The following TCF20 variants were observed in gnomAD, a reference collection of about 807,000 sequenced individuals.
TCF20 encodes transcription factor 20.
In TCF20, 3 loss-of-function variants were observed where a neutral mutation model predicts 148.6. The ratio of observed to expected loss-of-function variants is 0.02; its 90% CI spans 0.01 to 0.05. The LOEUF (loss-of-function observed/expected upper bound fraction) is 0.05, where lower values mean the gene tolerates loss of function less well. Among genes scored for constraint, TCF20 ranks in the 10% least tolerant of loss-of-function variants. The pLI is 1.00. For missense variants in TCF20, 2,350 were observed against 2,429.3 expected, an observed-to-expected ratio of 0.97 and a Z score of 0.69; for synonymous variants, 1,049 against 909.5, an observed-to-expected ratio of 1.15 and a Z score of -2.76.
At chr22:42,194,908 C>T (rs1937515974) in intron 2 of TCF20, among the ~76,000 whole-genome samples, 1 of 151,820 alleles carries the variant, frequency 6.6e-6, no homozygotes, top group African/African-American at 2.4e-5. Context: ...CACACTTACA[C>T]AGACCTCACA....
At chr22:42,261,116 T>C (rs1236310610) in intron 1 of TCF20, among the ~76,000 whole-genome samples, 1 of 152,198 alleles carries the variant, frequency 6.6e-6, no homozygotes, top group African/African-American at 2.4e-5. Context: ...CCATTACATA[T>C]GATTTTTGGT....
In TCF20 at chr22:42,338,125, C is replaced by T. The variant is rs964496792; in HGVS notation, c.-37+5354G>A. On this transcript the variant is annotated intron_variant, in intron 1 of 1. Transcript: ENST00000515426. The surrounding 1 kb of genome is among the most constrained non-coding windows in gnomAD (Gnocchi z 4.0). ...CTCTGGGCCCAGGTCCTACTCTGTA[C>T]ACAACTCCCGCCTCGGTCTCCACGC... Among the ~76,000 whole-genome samples, 3 of 152,238 alleles carry T rather than the reference C, an allele frequency of 2.0e-5. No homozygotes were observed. Among genetic ancestry groups the T allele is most frequent in the Admixed American group, 6.5e-5 (1 of 15,288 alleles).
chr22:42,315,567 G>A (rs1927614256), intron 1 of TCF20, among the ~76,000 whole-genome samples: 1 of 152,232 alleles, frequency 6.6e-6, no homozygotes, highest in African/African-American at 2.4e-5. Context: ...TCCTGGGCTG[G>A]CCATGGGGCC....
intron 1 of TCF20, among the ~76,000 whole-genome samples, chr22:42,227,421 G>GA (rs1281678347): frequency 6.6e-6 from 1 of 152,188 alleles, no homozygotes; most frequent in Non-Finnish European, 1.5e-5. Context: ...ACCCCTTTGA[G>GA]AGCAGGCTGA....
At chr22:42,322,642 A>ATGAG (rs996668206) in intron 1 of TCF20, among the ~76,000 whole-genome samples, 1 of 151,824 alleles carries the variant, frequency 6.6e-6, no homozygotes, top group Non-Finnish European at 1.5e-5. Context: ...GAGTGACCAA[A>ATGAG]TGAGTGAGTG....
intron 1 of TCF20, among the ~76,000 whole-genome samples, chr22:42,326,297 A>C (rs966760952): frequency 5.9e-5 from 9 of 151,948 alleles, no homozygotes; most frequent in African/African-American, 2.2e-4. Flanking sequence ...TCTGCCCCCC[A>C]CAGGAGTTGT....
intron 1 of TCF20, among the ~76,000 whole-genome samples, chr22:42,243,577 G>C (rs146813947): frequency 5.3e-5 from 8 of 152,150 alleles, no homozygotes; most frequent in African/African-American, 1.9e-4. Flanking sequence ...ACTCCAGCCT[G>C]GGCAACAGAG....
exon 1 of TCF20, among the ~76,000 whole-genome samples, chr22:42,283,885 A>G (rs1252979073): frequency 6.6e-6 from 1 of 152,130 alleles, no homozygotes; most frequent in Non-Finnish European, 1.5e-5. Context: ...CCCGGCGACC[A>G]CGGGGGAGGA....
At position 42,211,520 on chromosome 22, in the gene TCF20, A is replaced by G; in HGVS notation, c.3786T>C (p.Ser1262=). ...GTGACTGTCTCTTACTGGGAATGGGAGAGATAAAAGAACGAACACGCCTCC... is the reference window on the plus strand; with the variant it reads ...GTGACTGTCTCTTACTGGGAATGGGGGAGATAAAAGAACGAACACGCCTCC... ...IMRRRVRSFI[S]PIPSKRQSQD... is the part of the protein sequence containing the mutation. Residue 1262 remains serine, a synonymous_variant, in exon 2 of 6, where the codon TCT becomes TCC. Coordinates refer to ENST00000677622, the MANE Select transcript of TCF20 (RefSeq NM_001378418.1). The G allele has an allele frequency of 4.3e-6, 7 of 1,614,106 alleles. No individual in the cohort carries two copies. Among genetic ancestry groups the G allele is most frequent in the Non-Finnish European group, 5.9e-6 (7 of 1,180,002 alleles).
At chr22:42,203,210 TAG>T (rs765312623) in intron 2 of TCF20, among the ~76,000 whole-genome samples, 11 of 152,184 alleles carry the variant, frequency 7.2e-5, no homozygotes, top group Non-Finnish European at 1.6e-4. Context: ...GTATTTTTGG[TAG>T]AGACAGGGTT....
chr22:42,187,430 TTTCAAGTCAAA>T (rs1397438516), intron 2 of TCF20, among the ~76,000 whole-genome samples: 27 of 152,334 alleles, frequency 1.8e-4, no homozygotes, highest in Admixed American at 9.2e-4. Context: ...TGGGAAAACC[TTTCAAGTCAAA>T]TTATAAACCT....
intron 1 of TCF20, among the ~76,000 whole-genome samples, chr22:42,303,137 C>T (rs1927368670): frequency 6.6e-6 from 1 of 152,232 alleles, no homozygotes; most frequent in Admixed American, 6.5e-5. Context: ...ACCATGTTGG[C>T]CAGGCTGGTC....
At chr22:42,300,850 G>A (rs1043988576) in intron 1 of TCF20, among the ~76,000 whole-genome samples, 1 of 152,102 alleles carries the variant, frequency 6.6e-6, no homozygotes, top group Non-Finnish European at 1.5e-5. Flanking sequence ...CAAGACCTGG[G>A]CAGCTTCCCC....
chr22:42,210,786 G>A lies in TCF20; in HGVS notation c.4520C>T (p.Ala1507Val). The change falls in exon 2 of 6, where the codon GCA (alanine) becomes GTA (valine). Residue 1507 changes from alanine to valine, a missense_variant. Ala to Val is a moderately conservative substitution (Grantham distance 64, BLOSUM62 0). Transcript: ENST00000677622. This position sits in a 1 kb window ranked among gnomAD's most constrained non-coding sequence, Gnocchi z 4.7. ...CTCCTTCTCTTCAGCCTTGGGGTTT[G>A]CCTCAGGGGCCAATATGCCCACTGG... ...VPPVGILAPEANPKAEEKEND... is the reference protein window; with the variant it reads ...VPPVGILAPEVNPKAEEKEND... The A allele has an allele frequency of 1.2e-6, 2 of 1,614,186 alleles. No individual in the cohort carries two copies. Among genetic ancestry groups the A allele is most frequent in the Non-Finnish European group, 1.7e-6 (2 of 1,180,046 alleles).
At position 42,212,191 on chromosome 22, in the gene TCF20, A is replaced by T; in HGVS notation, c.3115T>A (p.Phe1039Ile). The T allele has an allele frequency of 6.2e-7, 1 of 1,614,194 alleles. No individual in the cohort carries two copies. Among genetic ancestry groups the T allele is most frequent in the Non-Finnish European group, 8.5e-7 (1 of 1,180,028 alleles). The change falls in exon 2 of 6, where the codon TTT (phenylalanine) becomes ATT (isoleucine). Residue 1039 changes from phenylalanine to isoleucine, a missense_variant. Transcript: ENST00000677622. ...GAACTCCGGTTAGCCCTCTCTGAAA[A>T]GGTCATGTGTGGATTCATGTGATGA... ...DPHHMNPHMT[F>I]SERANRSSLH...
Position 42,168,756 on chromosome 22 carries a change from G to T in TCF20, c.5800-20C>A. Reference sequence around the variant, plus strand: ...GGGAGGCTGACACGGGCAAAACCAAGAGGAGACAGACAGGTGGGAGAGGAC... The same window carrying T: ...GGGAGGCTGACACGGGCAAAACCAATAGGAGACAGACAGGTGGGAGAGGAC... On this transcript the variant is annotated intron_variant, in intron 4 of 5. Transcript: ENST00000677622. The T allele has an allele frequency of 6.2e-7, 1 of 1,600,428 alleles. No individual in the cohort carries two copies. Among genetic ancestry groups the T allele is most frequent in the Non-Finnish European group, 8.5e-7 (1 of 1,173,496 alleles).
At position 42,160,029 on chromosome 22, in the gene TCF20, TTTA is replaced by T. The variant is rs1935316207; in HGVS notation, c.*1371_*1373del. ...AAGAGGAAACAAGGTTAAAATGAAG[TTTA>T]TTATTTTTTTGATTTTTTGATTTTT... is the stretch of plus-strand genomic sequence containing the variant. On this transcript the variant is annotated 3_prime_UTR_variant, in exon 6 of 6. Transcript: ENST00000677622. The T allele has an allele frequency of 6.6e-6, 1 of 152,532 alleles. No individual in the cohort carries two copies. The highest frequency in any genetic ancestry group is 1.5e-5 in the Non-Finnish European group (1 of 68,036). The allele number at this position is 152,532 out of a possible 1,614,324, so 9.4% of individuals were successfully genotyped here. A position where few individuals can be genotyped will look rare whatever the true frequency, so the allele number is the denominator to read the frequency against.
chr22:42,333,590 A>G (rs56042802), intron 1 of TCF20, among the ~76,000 whole-genome samples: 15,822 of 152,332 alleles, frequency 0.1, 902 homozygotes, highest in Non-Finnish European at 0.13. Context: ...CTCAGAGGCA[A>G]AGGGGTAAAG....
chr22:42,250,518 T>C (rs1393901631), intron 1 of TCF20, among the ~76,000 whole-genome samples: 1 of 149,248 alleles, frequency 6.7e-6, no homozygotes, highest in Admixed American at 6.7e-5. Flanking sequence ...TTGTGAAAGA[T>C]AAAATTCAAC....
Sources: allele counts gnomAD v4.1 joint callset (sites outside exome capture counted in the v4.1 genomes callset), GRCh38; gene constraint gnomAD v4.1.1; non-coding constraint Gnocchi (gnomAD v3.1); transcripts MANE v1.5; gene names NCBI Gene and HGNC (gene_info 2026-07-23, HGNC 2026-07-21).